The following NR2F1-AS1 variants were observed in gnomAD, a reference collection of about 807,000 sequenced individuals.
NR2F1-AS1 encodes the protein NR2F1 regulatory antisense RNA 1.
intron 1 of NR2F1-AS1, among the ~76,000 whole-genome samples, chr5:93,575,899 G>T (rs1376448336): frequency 6.6e-6 from 1 of 152,134 alleles, no homozygotes; most frequent in Non-Finnish European, 1.5e-5. Flanking sequence ...CCATGTATGG[G>T]AAATATTGAC....
chr5:93,457,239 T>C (rs1749970804), intron 4 of NR2F1-AS1, among the ~76,000 whole-genome samples: 1 of 152,166 alleles, frequency 6.6e-6, no homozygotes, highest in African/African-American at 2.4e-5. Context: ...GGAGAAACCT[T>C]GGACAATACC....
At chr5:93,569,109 C>T (rs556181463) in intron 1 of NR2F1-AS1, among the ~76,000 whole-genome samples, 2 of 152,130 alleles carry the variant, frequency 1.3e-5, no homozygotes, top group African/African-American at 4.8e-5. Flanking sequence ...GAGGTACACA[C>T]GCACCCACAC....
intron 4 of NR2F1-AS1, among the ~76,000 whole-genome samples, chr5:93,549,956 G>A (rs1026639820): frequency 1.3e-5 from 2 of 151,962 alleles, no homozygotes; most frequent in African/African-American, 4.8e-5. Flanking sequence ...ATACACCGGG[G>A]CCCTGTCGAG....
chr5:93,563,326 G>A lies in NR2F1-AS1; in HGVS notation n.413+38C>T, dbSNP rs140161571. The A allele has an allele frequency of 3.3e-4, 50 of 152,256 alleles. 2 individuals carry two copies. The highest frequency in any genetic ancestry group is 1.1e-3 in the African/African-American group (45 of 41,538). The allele number at this position is 152,256 out of a possible 1,614,324, so 9.4% of individuals were successfully genotyped here. A position where few individuals can be genotyped will look rare whatever the true frequency, so the allele number is the denominator to read the frequency against. ...TGTTTCACTAGGGTCTCTGGTTTTA[G>A]CATTGCTGGTTTAGTGGTTAAGTCT... On this transcript the variant is annotated intron_variant and non_coding_transcript_variant, in intron 2 of 5. Transcript: ENST00000660523.
At chr5:93,523,713 G>A (rs984870934) in intron 4 of NR2F1-AS1, among the ~76,000 whole-genome samples, 16 of 152,146 alleles carry the variant, frequency 1.1e-4, no homozygotes, top group African/African-American at 3.9e-4. Context: ...AAGCAAACAG[G>A]ATCTGGAATA....
intron 4 of NR2F1-AS1, among the ~76,000 whole-genome samples, chr5:93,534,098 C>T (rs190018435): frequency 1.3e-3 from 197 of 152,206 alleles, no homozygotes; most frequent in African/African-American, 4.4e-3. Flanking sequence ...AATAACATAG[C>T]CTTTAGAAAA....
intron 1 of NR2F1-AS1, among the ~76,000 whole-genome samples, chr5:93,569,059 C>G (rs1190507867): frequency 6.6e-6 from 1 of 152,132 alleles, no homozygotes; most frequent in Non-Finnish European, 1.5e-5. Flanking sequence ...AAAGCAATGA[C>G]TTTCTCCCAG....
chr5:93,476,020 C>CA (rs1453746527), intron 4 of NR2F1-AS1, among the ~76,000 whole-genome samples: 1 of 151,838 alleles, frequency 6.6e-6, no homozygotes. Flanking sequence ...TATGTTGTGC[C>CA]AAAAAAATCA....
chr5:93,498,435 C>A (rs910566399), intron 4 of NR2F1-AS1, among the ~76,000 whole-genome samples: 1 of 152,034 alleles, frequency 6.6e-6, no homozygotes, highest in African/African-American at 2.4e-5. Context: ...CATACTTTTA[C>A]AAAATTCTTA....
intron 4 of NR2F1-AS1, among the ~76,000 whole-genome samples, chr5:93,413,473 T>C (rs78406381): frequency 0.012 from 1,878 of 152,262 alleles, 43 homozygotes; most frequent in African/African-American, 0.043. Flanking sequence ...TTTAAGGTTC[T>C]CACTCTCTTT....
At chr5:93,428,520 C>A (rs1288146938) in intron 4 of NR2F1-AS1, among the ~76,000 whole-genome samples, 1 of 152,144 alleles carries the variant, frequency 6.6e-6, no homozygotes, top group Non-Finnish European at 1.5e-5. Flanking sequence ...ATTAATATTT[C>A]TATTAAACCT....
intron 4 of NR2F1-AS1, among the ~76,000 whole-genome samples, chr5:93,478,430 GTCT>G (rs750401751): frequency 6.6e-6 from 1 of 152,142 alleles, no homozygotes; most frequent in African/African-American, 2.4e-5. Flanking sequence ...TTTTGAGACA[GTCT>G]TGCTCTGTCA....
At chr5:93,547,968 GGAGA>G (rs1752128011) in intron 4 of NR2F1-AS1, among the ~76,000 whole-genome samples, 1 of 152,148 alleles carries the variant, frequency 6.6e-6, no homozygotes, top group Non-Finnish European at 1.5e-5. Context: ...TCGGAAAAAG[GGAGA>G]GAGAATCAGT....
intron 4 of NR2F1-AS1, among the ~76,000 whole-genome samples, chr5:93,493,235 A>C (rs75777446): frequency 0.017 from 2,560 of 152,248 alleles, 77 homozygotes; most frequent in African/African-American, 0.058. Flanking sequence ...GTTGTGTTTT[A>C]TACAGCAGCA....
At chr5:93,428,459 A>G (rs1048420365) in intron 4 of NR2F1-AS1, among the ~76,000 whole-genome samples, 1 of 152,238 alleles carries the variant, frequency 6.6e-6, no homozygotes, top group African/African-American at 2.4e-5. Context: ...CAATATTTCA[A>G]TTAAAACTAT....
chr5:93,526,902 CA>C (rs1037138753), intron 4 of NR2F1-AS1, among the ~76,000 whole-genome samples: 37 of 152,236 alleles, frequency 2.4e-4, no homozygotes, highest in African/African-American at 6.7e-4. Context: ...ACTGAATGGG[CA>C]AAAGCTGGAA....
intron 4 of NR2F1-AS1, among the ~76,000 whole-genome samples, chr5:93,445,339 A>G (rs185770749): frequency 1.1e-4 from 16 of 152,312 alleles, no homozygotes; most frequent in African/African-American, 3.1e-4. Context: ...AATCAAATAG[A>G]CACAATAAAA....
chr5:93,465,686 A>C (rs1420898078), intron 4 of NR2F1-AS1, among the ~76,000 whole-genome samples: 3 of 152,168 alleles, frequency 2.0e-5, no homozygotes, highest in Non-Finnish European at 4.4e-5. Context: ...AAATGCCATC[A>C]ATGATAGACT....
chr5:93,447,240 A>C (rs1749732494), intron 4 of NR2F1-AS1, among the ~76,000 whole-genome samples: 1 of 152,212 alleles, frequency 6.6e-6, no homozygotes, highest in Admixed American at 6.5e-5. Context: ...GCATAGCAAA[A>C]GAAACTACCA....
Sources: gnomAD v4.1 joint callset for allele counts (sites outside exome capture counted in the v4.1 genomes callset) on GRCh38, gnomAD v4.1.1 for gene constraint, MANE v1.5 for transcripts, NCBI Gene and HGNC (gene_info 2026-07-23, HGNC 2026-07-21) for gene names.